SYNE1: variants seen among roughly 807,000 people sequenced by gnomAD.
The protein encoded by SYNE1 is spectrin repeat containing nuclear envelope protein 1.
Under a neutral mutation model 1,111.0 loss-of-function variants are expected in SYNE1, and 616 were observed. The ratio of observed to expected loss-of-function variants is 0.55; its 90% CI spans 0.52 to 0.59. The LOEUF is 0.59. SYNE1 is among the 20% of genes least tolerant of loss of function. The probability of loss-of-function intolerance (pLI) is 0.00; values close to 1 mark genes in which losing one functional copy is unlikely to be tolerated. For missense variants in SYNE1, 10,006 were observed against 10,417.0 expected, an observed-to-expected ratio of 0.96 and a Z score of 1.72; for synonymous variants, 3,855 against 3,825.8, an observed-to-expected ratio of 1.01 and a Z score of -0.28.
chr6:152,152,186 ACT>A, intron 133 of SYNE1, 45 bp from the exon 134 acceptor site: 2 of 1,569,852 alleles, frequency 1.3e-6, no homozygotes, highest in South Asian at 2.2e-5. Context: ...TCAGCGAAGG[ACT>A]CTCAGTAGTG....
intron 121 of SYNE1, among the ~76,000 whole-genome samples, chr6:152,216,989 G>T (rs1422790181): frequency 6.6e-6 from 1 of 151,652 alleles, no homozygotes; most frequent in Non-Finnish European, 1.5e-5. Context: ...CTTGAAACTG[G>T]GAGGCAGGGG....
intron 5 of SYNE1, among the ~76,000 whole-genome samples, chr6:152,521,921 T>A: frequency 6.6e-6 from 1 of 152,154 alleles, no homozygotes; most frequent in East Asian, 1.9e-4. Context: ...TGTTTTCCTA[T>A]CCCTGTGTCT....
intron 3 of SYNE1, among the ~76,000 whole-genome samples, chr6:152,592,337 G>A (rs1256041495): frequency 6.6e-6 from 1 of 152,136 alleles, no homozygotes. Flanking sequence ...GTGGTAGACT[G>A]GATGGAGAAA....
At chr6:152,546,145 C>A (rs1362595347) in intron 3 of SYNE1, 2 of 152,090 alleles carry the variant, frequency 1.3e-5, no homozygotes, top group Non-Finnish European at 2.9e-5. Flanking sequence ...TCTACAATTA[C>A]TAAAATTACC....
rs1236785238 is a variant in SYNE1 at position 152,317,135 on chromosome 6, C to G, written c.16573-149G>C. 3 of 912,586 alleles carry G rather than the reference C, an allele frequency of 3.3e-6. No homozygotes were observed. The African/African-American group carries it at 5.0e-5, about 15-fold the overall frequency. The allele number at this position is 912,586 out of a possible 1,614,324, so 56.5% of individuals were successfully genotyped here. A position where few individuals can be genotyped will look rare whatever the true frequency, so the allele number is the denominator to read the frequency against. On this transcript the variant is annotated intron_variant, in intron 86 of 145. Coordinates refer to ENST00000367255, the MANE Select transcript of SYNE1 (RefSeq NM_182961.4). Reference sequence around the variant, plus strand: ...TCAATGGTATCAAAAGATCGTTTCCCTGTTAAAATCTGTCAAAGCTTTCTC... The same window carrying G: ...TCAATGGTATCAAAAGATCGTTTCCGTGTTAAAATCTGTCAAAGCTTTCTC...
intron 40 of SYNE1, among the ~76,000 whole-genome samples, chr6:152,418,157 A>G (rs983147184): frequency 2.0e-5 from 3 of 152,172 alleles, no homozygotes; most frequent in African/African-American, 7.2e-5. Context: ...TAGAGCATTT[A>G]CTTTAGAAAA....
rs2096220490 is a variant in SYNE1 at position 152,330,462 on chromosome 6, G to T, written c.14223C>A (p.Arg4741=). 1.9e-6 allele frequency: 3 copies of T among 1,614,152 alleles called. No individual in the cohort carries two copies. Among genetic ancestry groups the T allele is most frequent in the East Asian group, 4.5e-5 (2 of 44,872 alleles). Reference sequence around the variant, plus strand: ...CTGGCTGCCAAGGCTGACCTGTGCTGCGAAAACCTTCTTTTTTCTGGTTCA... The same window carrying T: ...CTGGCTGCCAAGGCTGACCTGTGCTTCGAAAACCTTCTTTTTTCTGGTTCA... ...DELNQKKEGF[R]STGQPWQPDK... is the part of the protein sequence containing the mutation. Residue 4741 remains arginine, a synonymous_variant, in exon 78 of 146, where the codon CGC becomes CGA. Transcript: ENST00000367255.
intron 3 of SYNE1, among the ~76,000 whole-genome samples, chr6:152,568,530 T>TGA (rs2099428777): frequency 6.6e-6 from 1 of 152,272 alleles, no homozygotes; most frequent in Non-Finnish European, 1.5e-5. Context: ...CTTGCACTCC[T>TGA]GACCTCAGTT....
At chr6:152,246,314 T>A (rs1268082065) in intron 105 of SYNE1, among the ~76,000 whole-genome samples, 1 of 151,292 alleles carries the variant, frequency 6.6e-6, no homozygotes, top group Non-Finnish European at 1.5e-5. Context: ...GAAAACAGAT[T>A]ATACAGGAAA....
At chr6:152,502,816 T>C in intron 9 of SYNE1, 74 bp from the exon 10 acceptor site, 2 of 1,135,014 alleles carry the variant, frequency 1.8e-6, no homozygotes, top group Non-Finnish European at 2.6e-6. Flanking sequence ...GTTTGGTATC[T>C]AGCTATCACA....
chr6:152,570,500 C>A (rs974451018), intron 3 of SYNE1, among the ~76,000 whole-genome samples: 1 of 152,092 alleles, frequency 6.6e-6, no homozygotes, highest in Non-Finnish European at 1.5e-5. Context: ...TTGTTAAAGG[C>A]CAACGTGGTC....
At position 152,381,005 on chromosome 6, in the gene SYNE1, C is replaced by T; in HGVS notation, c.9009+1G>A. 1 of 1,613,994 alleles carries T rather than the reference C, an allele frequency of 6.2e-7. No individual in the cohort carries two copies. The highest frequency in any genetic ancestry group is 1.1e-5 in the South Asian group (1 of 91,076). On this transcript the variant is annotated splice_donor_variant, in intron 56 of 145. Coordinates refer to ENST00000367255, the MANE Select transcript of SYNE1 (RefSeq NM_182961.4). LOFTEE classifies it high-confidence loss of function. ...CAATAGAAAACAGGAAGCCAACTTA[C>T]TTGTCCTTTGTGCCAGCATTCCACT...
chr6:152,530,767 G>A (rs189851594), intron 4 of SYNE1, among the ~76,000 whole-genome samples: 3,014 of 151,846 alleles, frequency 0.02, 51 homozygotes, highest in Non-Finnish European at 0.033. Flanking sequence ...GACTACAGGC[G>A]CCCACCACCA....
rs755614290 is a variant in SYNE1 at position 152,202,000 on chromosome 6, T to TGG, written c.23020-53_23020-52dup. The stretch of plus-strand genomic sequence containing the variant: ...CATAGATGTTTTTGATGTAGGAAAC[T>TGG]GGGGGGGGAAAAGAAAAGAAACACT... On this transcript the variant is annotated intron_variant, in intron 126 of 145. Transcript: ENST00000367255. The TGG allele has an allele frequency of 3.1e-6, 5 of 1,590,810 alleles. No homozygotes were observed. In the African/African-American group the frequency reaches 6.7e-5, roughly 21 times the overall value.
At chr6:152,518,438 C>G (rs1344331847) in intron 6 of SYNE1, among the ~76,000 whole-genome samples, 1 of 151,860 alleles carries the variant, frequency 6.6e-6, no homozygotes, top group African/African-American at 2.4e-5. Context: ...CAGCACCTCG[C>G]CCCTTGCTCT....
chr6:152,626,866 C>A (rs189363620), intron 3 of SYNE1, among the ~76,000 whole-genome samples: 1 of 152,156 alleles, frequency 6.6e-6, no homozygotes, highest in Non-Finnish European at 1.5e-5. Flanking sequence ...GTCATGAATA[C>A]CCCGATTTAA....
At chr6:152,537,114 C>T (rs181967262) in intron 4 of SYNE1, among the ~76,000 whole-genome samples, 2 of 152,168 alleles carry the variant, frequency 1.3e-5, no homozygotes, top group East Asian at 3.9e-4. Context: ...ATACTGGTTT[C>T]TTCTTGAAAA....
intron 97 of SYNE1, among the ~76,000 whole-genome samples, chr6:152,279,859 T>C (rs923076817): frequency 7.9e-5 from 12 of 152,144 alleles, no homozygotes; most frequent in Non-Finnish European, 8.8e-5. Flanking sequence ...CTGTGCAGGG[T>C]TGATTTTACC....
Position 152,164,287 on chromosome 6 carries a change from T to C in SYNE1, c.23666A>G (p.Gln7889Arg), listed in dbSNP as rs2063159798. 1.2e-6 allele frequency: 2 copies of C among 1,614,216 alleles called. No individual in the cohort carries two copies. Among genetic ancestry groups the C allele is most frequent in the East Asian group, 4.5e-5 (2 of 44,870 alleles). Reference sequence around the variant, plus strand: ...CAGGCTGCTCATGTTCTTATCAAGCTGCTGCACGGCTACCAGGGTCTCCTT... The same window carrying C: ...CAGGCTGCTCATGTTCTTATCAAGCCGCTGCACGGCTACCAGGGTCTCCTT... Reference protein sequence around the residue: ...KLKETLVAVQQLDKNMSSLRT... With the variant: ...KLKETLVAVQRLDKNMSSLRT... Residue 7889 changes from glutamine (Q) to arginine (R), a missense_variant, in exon 131 of 146, where the codon CAG becomes CGG. Coordinates refer to ENST00000367255, the MANE Select transcript of SYNE1 (RefSeq NM_182961.4).
Sources: allele counts gnomAD v4.1 joint callset (sites outside exome capture counted in the v4.1 genomes callset), GRCh38; gene constraint gnomAD v4.1.1; transcripts MANE v1.5; gene names NCBI Gene and HGNC (gene_info 2026-07-23, HGNC 2026-07-21).